The following ZFPM2 variants were observed in gnomAD, a reference collection of about 807,000 sequenced individuals.
ZFPM2 encodes zinc finger protein ZFPM2.
A neutral mutation model predicts 98.6 loss-of-function variants in ZFPM2; 20 were observed. The ratio of observed to expected loss-of-function variants is 0.20; its 90% confidence interval spans 0.14 to 0.29. ZFPM2 has a LOEUF of 0.29. Ranked by LOEUF, ZFPM2 falls within the 10% of genes least tolerant of loss-of-function variation. The probability of loss-of-function intolerance (pLI) is 1.00; values close to 1 mark genes in which losing one functional copy is unlikely to be tolerated. For synonymous variants in ZFPM2, 518 were observed against 502.7 expected, an observed-to-expected ratio of 1.03 and a Z score of -0.41; for missense variants, 1,310 against 1,388.6, an observed-to-expected ratio of 0.94 and a Z score of 0.90.
At chr8:105,568,586 T>C (rs1350640046) in intron 4 of ZFPM2, among the ~76,000 whole-genome samples, 1 of 152,156 alleles carries the variant, frequency 6.6e-6, no homozygotes, top group Non-Finnish European at 1.5e-5. Context: ...GTAATGATTG[T>C]TCTCCTCTTT....
Position 105,487,948 on chromosome 8 carries a change from A to ATCTATCTG in ZFPM2, c.301+43567_301+43568insTCTATCTG, listed in dbSNP as rs1212803220. ...TATCTATCTAGCTAGCTAGCTAGCT[A>ATCTATCTG]GCTATCTGTCATGTCTTTTTTTAGA... On this transcript the variant is annotated intron_variant, in intron 3 of 7. Coordinates refer to ENST00000407775, the MANE Select transcript of ZFPM2 (RefSeq NM_012082.4). 2.0e-3 allele frequency among the ~76,000 whole-genome samples: 269 copies of ATCTATCTG among 134,402 alleles called. 3 individuals are homozygous for ATCTATCTG. Among genetic ancestry groups the ATCTATCTG allele is most frequent in the African/African-American group, 6.8e-3 (250 of 36,966 alleles). The allele number at this position is 134,402 out of a possible 152,430, so 88.2% of individuals were successfully genotyped here. A position where few individuals can be genotyped will look rare whatever the true frequency, so the allele number is the denominator to read the frequency against.
chr8:105,803,190 C>T lies in ZFPM2; in HGVS notation c.3108C>T (p.Pro1036=). The T allele has an allele frequency of 6.2e-7, 1 of 1,613,340 alleles. No individual in the cohort carries two copies. Among genetic ancestry groups the T allele is most frequent in the Non-Finnish European group, 8.5e-7 (1 of 1,179,662 alleles). The part of the protein sequence containing the change: ...ALKKDSLPLL[P]KNRGMVIVNG... ...AGAAAGATTCTCTGCCATTGTTGCC[C>T]AAAAATCGAGGAATGGTAATAGTGA... Residue 1036 remains proline, a synonymous_variant, in exon 8 of 8, where the codon CCC becomes CCT. Coordinates refer to ENST00000407775, the MANE Select transcript of ZFPM2 (RefSeq NM_012082.4).
At chr8:105,388,469 G>T (rs1811045064) in intron 1 of ZFPM2, among the ~76,000 whole-genome samples, 1 of 152,152 alleles carries the variant, frequency 6.6e-6, no homozygotes, top group East Asian at 1.9e-4. Context: ...TTAGCATGTG[G>T]GTGGGAGGAT....
intron 4 of ZFPM2, chr8:105,616,746 G>A (rs890895848): frequency 3.2e-5 from 10 of 314,974 alleles, no homozygotes; most frequent in Admixed American, 7.7e-5. Flanking sequence ...GTTTGGGTGC[G>A]GTGACTCATG....
At chr8:105,567,110 T>C (rs1184084248) in intron 4 of ZFPM2, among the ~76,000 whole-genome samples, 2 of 152,174 alleles carry the variant, frequency 1.3e-5, no homozygotes, top group Non-Finnish European at 2.9e-5. Flanking sequence ...CATTTATCCC[T>C]TTGCAGTTTT....
chr8:105,408,474 C>T (rs1250950069), intron 1 of ZFPM2, among the ~76,000 whole-genome samples: 2 of 151,734 alleles, frequency 1.3e-5, no homozygotes. Context: ...TTTGTTTTCC[C>T]CTCTGCTCAC....
At chr8:105,458,635 CAG>C (rs1452881972) in intron 3 of ZFPM2, among the ~76,000 whole-genome samples, 2 of 152,032 alleles carry the variant, frequency 1.3e-5, no homozygotes, top group South Asian at 2.1e-4. Flanking sequence ...CTGAAATTGA[CAG>C]TGCATATTTT....
At chr8:105,436,234 A>G (rs148143139) in intron 2 of ZFPM2, among the ~76,000 whole-genome samples, 282 of 152,236 alleles carry the variant, frequency 1.9e-3, no homozygotes, top group African/African-American at 6.4e-3. Flanking sequence ...TTTAATATGC[A>G]AGTGCCTGGG....
chr8:105,630,952 C>A (rs897747479), intron 4 of ZFPM2, among the ~76,000 whole-genome samples: 4 of 152,088 alleles, frequency 2.6e-5, no homozygotes, highest in African/African-American at 9.7e-5. Context: ...CCTTTCAGTT[C>A]CAGAAAAACC....
At chr8:105,593,047 G>A (rs1312945756) in intron 4 of ZFPM2, among the ~76,000 whole-genome samples, 2 of 152,206 alleles carry the variant, frequency 1.3e-5, no homozygotes, top group East Asian at 1.9e-4. Context: ...GAGGAGGTGG[G>A]GCAAGGATTT....
chr8:105,645,495 A>G (rs904691057), intron 5 of ZFPM2, among the ~76,000 whole-genome samples: 3 of 152,110 alleles, frequency 2.0e-5, no homozygotes, highest in Non-Finnish European at 2.9e-5. Flanking sequence ...CTTTTCTCCA[A>G]TGGCTTGAGA....
intron 1 of ZFPM2, among the ~76,000 whole-genome samples, chr8:105,408,626 AGTTT>A (rs1324914571): frequency 6.6e-6 from 1 of 151,842 alleles, no homozygotes; most frequent in Non-Finnish European, 1.5e-5. Flanking sequence ...ATTTGTATAA[AGTTT>A]GTATTCCAAA....
chr8:105,488,161 A>C (rs1202316946), intron 3 of ZFPM2, among the ~76,000 whole-genome samples: 3 of 152,182 alleles, frequency 2.0e-5, no homozygotes, highest in Non-Finnish European at 4.4e-5. Flanking sequence ...TAGGGACACC[A>C]GTTAATATTT....
chr8:105,514,546 T>C (rs1231254318), intron 3 of ZFPM2, among the ~76,000 whole-genome samples: 2 of 152,152 alleles, frequency 1.3e-5, no homozygotes, highest in African/African-American at 2.4e-5. Flanking sequence ...CACCCAGCTC[T>C]GTTGGTTTTT....
intron 5 of ZFPM2, among the ~76,000 whole-genome samples, chr8:105,775,077 T>TAAAA (rs397968210): frequency 4.8e-5 from 5 of 104,924 alleles, no homozygotes; most frequent in African/African-American, 1.0e-4. Flanking sequence ...CTCTTGGAAT[T>TAAAA]AAAAAAAAAA....
intron 3 of ZFPM2, among the ~76,000 whole-genome samples, chr8:105,517,742 C>CACACACACACACAT (rs1586430844): frequency 2.0e-5 from 3 of 150,108 alleles, no homozygotes; most frequent in African/African-American, 7.4e-5. Context: ...CACACACACA[C>CACACACACACACAT]CCCTAGTTGG....
chr8:105,636,454 C>T (rs1816849239), intron 5 of ZFPM2, among the ~76,000 whole-genome samples: 1 of 152,126 alleles, frequency 6.6e-6, no homozygotes, highest in Admixed American at 6.6e-5. Context: ...CTTGATGCTC[C>T]CATGCCAAAT....
At chr8:105,320,278 G>A (rs961867784) in intron 1 of ZFPM2, among the ~76,000 whole-genome samples, 18 of 151,690 alleles carry the variant, frequency 1.2e-4, no homozygotes, top group Admixed American at 2.0e-4. Flanking sequence ...GTGTGTGTGT[G>A]TGTGTGTGTG....
At chr8:105,632,103 A>G (rs1456807883) in intron 4 of ZFPM2, among the ~76,000 whole-genome samples, 1 of 152,092 alleles carries the variant, frequency 6.6e-6, no homozygotes, top group East Asian at 1.9e-4. Context: ...CCTTCCTCCG[A>G]CTTGTTCTGC....
Sources: gnomAD v4.1 joint callset for allele counts (sites outside exome capture counted in the v4.1 genomes callset) on GRCh38, gnomAD v4.1.1 for gene constraint, MANE v1.5 for transcripts, NCBI Gene and HGNC (gene_info 2026-07-23, HGNC 2026-07-21) for gene names.